The following CDK17 variants were observed in gnomAD, a reference collection of about 807,000 sequenced individuals.
CDK17 encodes the protein cyclin dependent kinase 17, also known as cyclin-dependent kinase 17.
A neutral mutation model predicts 77.6 loss-of-function variants in CDK17; 24 were observed. The observed-to-expected ratio is 0.31, with a 90% CI of 0.22 to 0.44. The LOEUF (loss-of-function observed/expected upper bound fraction) is 0.44, where lower values mean the gene tolerates loss of function less well. Among genes scored for constraint, CDK17 ranks in the 20% least tolerant of loss-of-function variants. The pLI is 1.00. For missense variants in CDK17, 429 were observed against 622.5 expected, an observed-to-expected ratio of 0.69 and a Z score of 3.31; for synonymous variants, 203 against 210.4, an observed-to-expected ratio of 0.96 and a Z score of 0.30.
At position 96,362,301 on chromosome 12, in the gene CDK17, C is replaced by G. The variant is rs527568777; in HGVS notation, c.-29-27436G>C. On this transcript the variant is annotated intron_variant, in intron 1 of 16. Coordinates refer to ENST00000261211, the MANE Select transcript of CDK17 (RefSeq NM_002595.5). ...TGGCCCCACATCGGCTCACTGCAAC[C>G]TCTGCCTCCTGGGTTCAAGTAATTC... 7.2e-5 allele frequency among the ~76,000 whole-genome samples: 11 copies of G among 152,208 alleles called. No homozygotes were observed. In the East Asian group the frequency reaches 2.1e-3, roughly 29 times the overall value.
intron 1 of CDK17, among the ~76,000 whole-genome samples, chr12:96,378,468 C>T (rs1310674149): frequency 1.3e-5 from 2 of 152,102 alleles, no homozygotes; most frequent in African/African-American, 4.8e-5. Flanking sequence ...TATTAGCTGC[C>T]CCAGTCCTAG....
chr12:96,356,819 T>G, intron 1 of CDK17, among the ~76,000 whole-genome samples: 1 of 152,246 alleles, frequency 6.6e-6, no homozygotes, highest in East Asian at 1.9e-4. Flanking sequence ...CAACTGAAAC[T>G]TATTTTCATT....
At chr12:96,364,362 T>C (rs1953549427) in intron 1 of CDK17, among the ~76,000 whole-genome samples, 1 of 152,224 alleles carries the variant, frequency 6.6e-6, no homozygotes, top group African/African-American at 2.4e-5. Flanking sequence ...CACCATTTTG[T>C]ATTCCCACCA....
At chr12:96,285,089 T>C (rs1952230013) in intron 13 of CDK17, among the ~76,000 whole-genome samples, 1 of 152,188 alleles carries the variant, frequency 6.6e-6, no homozygotes, top group South Asian at 2.1e-4. Flanking sequence ...ATGGAGACTC[T>C]GCTTCAAAGA....
At chr12:96,393,106 T>G (rs1285812638) in intron 1 of CDK17, among the ~76,000 whole-genome samples, 1 of 152,132 alleles carries the variant, frequency 6.6e-6, no homozygotes, top group Non-Finnish European at 1.5e-5. Flanking sequence ...GGCTCACACC[T>G]GTAATCCCAG....
chr12:96,288,596 A>T (rs533265026), intron 11 of CDK17, among the ~76,000 whole-genome samples: 1 of 152,340 alleles, frequency 6.6e-6, no homozygotes, highest in East Asian at 1.9e-4. Flanking sequence ...CATCTTATGG[A>T]AATCCTTAAG....
chr12:96,368,348 T>C (rs954291424), intron 1 of CDK17, among the ~76,000 whole-genome samples: 7 of 152,164 alleles, frequency 4.6e-5, no homozygotes, highest in African/African-American at 1.7e-4. Context: ...CTTTCAAAGG[T>C]AGGAAATGAG....
intron 1 of CDK17, among the ~76,000 whole-genome samples, chr12:96,398,093 T>A (rs991949557): frequency 5.3e-5 from 8 of 152,132 alleles, no homozygotes; most frequent in Non-Finnish European, 1.0e-4. Flanking sequence ...TAATAACCTA[T>A]ATTTGCATAG....
At chr12:96,373,828 G>A (rs904003887) in intron 1 of CDK17, among the ~76,000 whole-genome samples, 17 of 152,016 alleles carry the variant, frequency 1.1e-4, no homozygotes, top group African/African-American at 3.9e-4. Flanking sequence ...GCTGGGGCAG[G>A]AGAATCGCTT....
At chr12:96,299,334 T>C (rs1040359252) in intron 6 of CDK17, among the ~76,000 whole-genome samples, 1 of 152,114 alleles carries the variant, frequency 6.6e-6, no homozygotes, top group African/African-American at 2.4e-5. Flanking sequence ...TGGACACTAA[T>C]TGAACATATT....
chr12:96,359,679 A>G (rs1039607082), intron 1 of CDK17, among the ~76,000 whole-genome samples: 3 of 152,238 alleles, frequency 2.0e-5, no homozygotes, highest in Non-Finnish European at 4.4e-5. Flanking sequence ...GGAGACAAAC[A>G]CTATATTAAT....
At chr12:96,300,600 T>C (rs113279594) in intron 5 of CDK17, among the ~76,000 whole-genome samples, 53 of 152,300 alleles carry the variant, frequency 3.5e-4, no homozygotes, top group Middle Eastern at 6.8e-3. Flanking sequence ...TTTCAACACA[T>C]TGGCCAGGCT....
At chr12:96,305,505 T>C (rs1952565699) in intron 5 of CDK17, among the ~76,000 whole-genome samples, 2 of 142,216 alleles carry the variant, frequency 1.4e-5, no homozygotes, top group African/African-American at 4.9e-5. Context: ...TTTATGTAAA[T>C]AAAAAGTCAC....
chr12:96,394,428 T>A (rs1954131546), intron 1 of CDK17, among the ~76,000 whole-genome samples: 1 of 152,192 alleles, frequency 6.6e-6, no homozygotes, highest in African/African-American at 2.4e-5. Context: ...TGGGTCCTTT[T>A]CCCTTGTTTA....
Position 96,335,540 on chromosome 12 carries a change from T to C in CDK17, c.-29-675A>G, listed in dbSNP as rs1953030338. 4.6e-5 allele frequency among the ~76,000 whole-genome samples: 7 copies of C among 152,226 alleles called. No individual in the cohort carries two copies. The South Asian group carries it at 1.4e-3, about 32-fold the overall frequency. ...CTTCCTAATTCTGAAAGGTAAAGTATACTATCCCATTTTCACACATGAGGA... is the reference window on the plus strand; with the variant it reads ...CTTCCTAATTCTGAAAGGTAAAGTACACTATCCCATTTTCACACATGAGGA... On this transcript the variant is annotated intron_variant, in intron 1 of 16. Coordinates refer to ENST00000261211, the MANE Select transcript of CDK17 (RefSeq NM_002595.5).
intron 2 of CDK17, among the ~76,000 whole-genome samples, chr12:96,330,727 A>G (rs1174162883): frequency 6.6e-6 from 1 of 152,192 alleles, no homozygotes; most frequent in Non-Finnish European, 1.5e-5. Context: ...TGGACAGACC[A>G]CATTCTGTTT....
chr12:96,387,293 T>C (rs1480448064), intron 1 of CDK17: 1 of 173,976 alleles, frequency 5.7e-6, no homozygotes, highest in Non-Finnish European at 1.2e-5. Flanking sequence ...TTAAATTTAA[T>C]GTATGAGTGG....
intron 10 of CDK17, among the ~76,000 whole-genome samples, chr12:96,290,074 G>A (rs894448161): frequency 6.6e-6 from 1 of 152,038 alleles, no homozygotes. Context: ...GAAAGTTTAC[G>A]AATTTGTGTT....
intron 1 of CDK17, among the ~76,000 whole-genome samples, chr12:96,368,133 G>C (rs562484914): frequency 6.6e-6 from 1 of 152,070 alleles, no homozygotes; most frequent in East Asian, 1.9e-4. Context: ...TGGAAGGGAA[G>C]GAATTATTTC....
Sources: gnomAD v4.1 joint callset for allele counts (sites outside exome capture counted in the v4.1 genomes callset) on GRCh38, gnomAD v4.1.1 for gene constraint, MANE v1.5 for transcripts, NCBI Gene and HGNC (gene_info 2026-07-23, HGNC 2026-07-21) for gene names.